PALLD: variants seen among roughly 807,000 people sequenced by gnomAD.
PALLD encodes the protein palladin, cytoskeletal associated protein.
PALLD carries 61 observed loss-of-function variants against 123.5 expected under a neutral mutation model. That is an observed-to-expected ratio of 0.49 (90% CI 0.40 to 0.61). The LOEUF is 0.61. Ranked by LOEUF, PALLD falls within the 20% of genes least tolerant of loss-of-function variation. The pLI is 0.00. For synonymous variants in PALLD, 465 were observed against 496.4 expected (o/e 0.94, Z 0.84); for missense variants, 1,273 against 1,377.0 (o/e 0.92, Z 1.20).
At chr4:168,609,237 C>T (rs983804670) in intron 2 of PALLD, among the ~76,000 whole-genome samples, 1 of 148,898 alleles carries the variant, frequency 6.7e-6, no homozygotes, top group African/African-American at 2.5e-5. Flanking sequence ...GAAGTCTGGC[C>T]TTAGAGAGTT....
At chr4:168,802,940 CCT>C (rs1386690635) in intron 10 of PALLD, among the ~76,000 whole-genome samples, 2 of 151,856 alleles carry the variant, frequency 1.3e-5, no homozygotes, top group Non-Finnish European at 2.9e-5. Flanking sequence ...GATTCACCCA[CCT>C]TGGCCTCCCA....
rs958924651 is a variant in PALLD at position 168,901,879 on chromosome 4, A to G, written c.2473-1878A>G. ...ATCTAAAAAAAGAAAGTCAACTACT[A>G]AAAAGTAAAATAATTATGAAGTATG... On this transcript the variant is annotated intron_variant, in intron 14 of 21. Transcript: ENST00000505667. Among the ~76,000 whole-genome samples the G allele has an allele frequency of 3.3e-5, 5 of 152,340 alleles. No homozygotes were observed. The East Asian group carries it at 9.6e-4, about 29-fold the overall frequency.
chr4:168,672,019 T>A (rs1397284392), intron 3 of PALLD, among the ~76,000 whole-genome samples: 2 of 152,260 alleles, frequency 1.3e-5, no homozygotes, highest in African/African-American at 4.8e-5. Context: ...ATTCATTTAG[T>A]GTCACCTAGG....
At chr4:168,534,509 T>C (rs941629205) in intron 2 of PALLD, among the ~76,000 whole-genome samples, 3 of 152,246 alleles carry the variant, frequency 2.0e-5, no homozygotes, top group South Asian at 2.1e-4. Context: ...CTATAAAATA[T>C]GCATATGGAG....
At chr4:168,780,832 C>A (rs968098106) in intron 10 of PALLD, among the ~76,000 whole-genome samples, 1 of 133,124 alleles carries the variant, frequency 7.5e-6, no homozygotes, top group Non-Finnish European at 1.8e-5. Context: ...GGACTGCAGG[C>A]ACCTGCCACC....
intron 10 of PALLD, among the ~76,000 whole-genome samples, chr4:168,752,174 A>G (rs1177819174): frequency 1.3e-5 from 2 of 152,216 alleles, no homozygotes; most frequent in East Asian, 1.9e-4. Context: ...GGAATTCAAG[A>G]CCAGCCTGAG....
intron 9 of PALLD, 34 bp from the exon 10 acceptor site, chr4:168,711,544 ATCT>A (rs1206442016): frequency 3.6e-6 from 5 of 1,404,496 alleles, no homozygotes; most frequent in East Asian, 2.3e-5. Context: ...AACTAGTGGC[ATCT>A]TCTTATGTTT....
intron 1 of PALLD, among the ~76,000 whole-genome samples, chr4:168,509,784 C>T (rs1226516328): frequency 6.6e-6 from 1 of 152,140 alleles, no homozygotes; most frequent in Non-Finnish European, 1.5e-5. Flanking sequence ...GTACAGTATT[C>T]CACTTAAGAA....
intron 10 of PALLD, among the ~76,000 whole-genome samples, chr4:168,747,037 CT>C (rs1464227406): frequency 6.6e-5 from 10 of 152,200 alleles, no homozygotes; most frequent in Admixed American, 2.0e-4. Context: ...GACATTGGAG[CT>C]GAGATCTGAA....
chr4:168,794,795 G>A (rs1385975049), intron 10 of PALLD, among the ~76,000 whole-genome samples: 2 of 152,204 alleles, frequency 1.3e-5, no homozygotes, highest in Non-Finnish European at 1.5e-5. Context: ...TTAGTAAATA[G>A]TAAATGCTCA....
At chr4:168,508,374 TTC>T (rs1220514156) in intron 1 of PALLD, among the ~76,000 whole-genome samples, 1 of 152,200 alleles carries the variant, frequency 6.6e-6, no homozygotes, top group African/African-American at 2.4e-5. Context: ...GGCAAAAACC[TTC>T]TCTTTTTCAA....
intron 10 of PALLD, among the ~76,000 whole-genome samples, chr4:168,738,390 T>A (rs1194362495): frequency 6.6e-6 from 1 of 152,044 alleles, no homozygotes; most frequent in Non-Finnish European, 1.5e-5. Context: ...TGTTCGATAA[T>A]TTTTATTTTG....
At chr4:168,752,395 C>T (rs1380101981) in intron 10 of PALLD, among the ~76,000 whole-genome samples, 1 of 152,188 alleles carries the variant, frequency 6.6e-6, no homozygotes, top group Non-Finnish European at 1.5e-5. Flanking sequence ...AAGTCTATTT[C>T]TTAAATACCA....
At chr4:168,675,235 G>A (rs747718931) in intron 3 of PALLD, among the ~76,000 whole-genome samples, 1 of 152,202 alleles carries the variant, frequency 6.6e-6, no homozygotes, top group African/African-American at 2.4e-5. Flanking sequence ...TGTGGATAAA[G>A]AGGATTGGGG....
chr4:168,606,447 G>A (rs1444395394), intron 2 of PALLD, among the ~76,000 whole-genome samples: 1 of 151,990 alleles, frequency 6.6e-6, no homozygotes, highest in Non-Finnish European at 1.5e-5. Flanking sequence ...GGCCGAGGAG[G>A]GTGGATCACG....
chr4:168,715,279 G>A (rs1489206885), intron 10 of PALLD, among the ~76,000 whole-genome samples: 1 of 152,186 alleles, frequency 6.6e-6, no homozygotes, highest in Non-Finnish European at 1.5e-5. Flanking sequence ...TCCCTCAAGT[G>A]TAAGCAGAAG....
At chr4:168,805,220 G>A (rs766420603) in intron 10 of PALLD, among the ~76,000 whole-genome samples, 1 of 151,984 alleles carries the variant, frequency 6.6e-6, no homozygotes, top group Non-Finnish European at 1.5e-5. Context: ...AGGCTAAATT[G>A]CCCCTGCTGT....
chr4:168,886,201 A>G (rs1321039426), intron 10 of PALLD, among the ~76,000 whole-genome samples: 1 of 152,196 alleles, frequency 6.6e-6, no homozygotes, highest in Non-Finnish European at 1.5e-5. Context: ...ATAGAATTCC[A>G]TGATGTCATC....
At chr4:168,570,275 A>G (rs538744840) in intron 2 of PALLD, among the ~76,000 whole-genome samples, 136 of 152,300 alleles carry the variant, frequency 8.9e-4, no homozygotes, top group Middle Eastern at 3.4e-3. Flanking sequence ...AAATGCTGAA[A>G]TGTTTGGTTT....
Sources: allele counts gnomAD v4.1 joint callset (sites outside exome capture counted in the v4.1 genomes callset), GRCh38; gene constraint gnomAD v4.1.1; transcripts MANE v1.5; gene names NCBI Gene and HGNC (gene_info 2026-07-23, HGNC 2026-07-21).